Variants in GSE1 observed in about 807,000 individuals in gnomAD.
The protein encoded by GSE1 is Gse1 coiled-coil protein.
Under a neutral mutation model 112.6 loss-of-function variants are expected in GSE1, and 32 were observed. That is an observed-to-expected ratio of 0.28 (90% CI 0.21 to 0.38). The LOEUF (loss-of-function observed/expected upper bound fraction) is 0.38, where lower values mean the gene tolerates loss of function less well. GSE1 is among the 10% of genes least tolerant of loss of function. The pLI, the probability that GSE1 is intolerant of heterozygous loss-of-function variation, is 1.00. For missense variants in GSE1, 2,348 were observed against 1,699.2 expected (o/e 1.38, Z -6.71); for synonymous variants, 1,115 against 735.6 (o/e 1.52, Z -8.35).
chr16:85,637,395 T>C (rs997903031), intron 2 of GSE1, among the ~76,000 whole-genome samples: 2 of 152,246 alleles, frequency 1.3e-5, no homozygotes, highest in Non-Finnish European at 2.9e-5. Context: ...AACCCGCAGC[T>C]GCCTTTCTGC....
chr16:85,618,711 G>A (rs370499396), intron 1 of GSE1, among the ~76,000 whole-genome samples: 1 of 152,270 alleles, frequency 6.6e-6, no homozygotes, highest in Non-Finnish European at 1.5e-5. Flanking sequence ...AGGCTGGGGC[G>A]CAGTGGTGCG....
intron 1 of GSE1, among the ~76,000 whole-genome samples, chr16:85,587,149 G>A (rs1383312054): frequency 4.0e-5 from 6 of 149,444 alleles, no homozygotes; most frequent in East Asian, 4.0e-4. Flanking sequence ...CAGTGTGGGC[G>A]CTCTGGTCTG....
At chr16:85,200,284 T>C (rs1365318601) in intron 1 of GSE1, among the ~76,000 whole-genome samples, 1 of 152,074 alleles carries the variant, frequency 6.6e-6, no homozygotes, top group Non-Finnish European at 1.5e-5. Flanking sequence ...TTGGATGTTT[T>C]TCCTATCTCC....
chr16:85,462,809 C>T (rs1254583971), intron 2 of GSE1, among the ~76,000 whole-genome samples: 3 of 114,542 alleles, frequency 2.6e-5, no homozygotes, highest in Non-Finnish European at 5.4e-5. Flanking sequence ...GCCGGGGGCG[C>T]GGGGCCGGGG....
intron 1 of GSE1, among the ~76,000 whole-genome samples, chr16:85,179,927 G>A (rs2074547166): frequency 6.6e-6 from 1 of 152,194 alleles, no homozygotes; most frequent in Non-Finnish European, 1.5e-5. Context: ...GGAAAATGGG[G>A]GCAGATGGTA....
chr16:85,302,458 G>A (rs958240539), intron 1 of GSE1, among the ~76,000 whole-genome samples: 1 of 134,848 alleles, frequency 7.4e-6, no homozygotes, highest in Non-Finnish European at 1.6e-5. Flanking sequence ...GCCCCCCCCC[G>A]CCCCCACACA....
At chr16:85,331,857 C>G (rs969501796) in intron 1 of GSE1, among the ~76,000 whole-genome samples, 6 of 151,796 alleles carry the variant, frequency 4.0e-5, no homozygotes, top group Non-Finnish European at 8.8e-5. Context: ...TACTCCCTGT[C>G]TTTGCAGTGC....
chr16:85,178,829 C>A (rs1173228566), intron 1 of GSE1, among the ~76,000 whole-genome samples: 1 of 100,980 alleles, frequency 9.9e-6, no homozygotes, highest in Middle Eastern at 6.4e-3. Context: ...AGTGTCCTGG[C>A]AGGGGCTCGA....
chr16:85,474,828 C>T (rs1237619027), intron 2 of GSE1, among the ~76,000 whole-genome samples: 1 of 152,094 alleles, frequency 6.6e-6, no homozygotes, highest in Non-Finnish European at 1.5e-5. Context: ...AGCCCTTGTG[C>T]CAGTTTCCGA....
intron 2 of GSE1, among the ~76,000 whole-genome samples, chr16:85,643,422 C>T (rs377180564): frequency 2.6e-5 from 4 of 152,184 alleles, no homozygotes; most frequent in East Asian, 1.9e-4. Flanking sequence ...GGGATTAGGC[C>T]GCTGAGTGTC....
Position 85,335,219 on chromosome 16 carries a change from G to C in GSE1, c.2284-22244G>C, listed in dbSNP as rs191126073. ...TTTTCTCTCCCTACACCCATCCCGG[G>C]AGGCCCCAGCTCTGAGCCCGGGGGT... On this transcript the variant is annotated intron_variant, in intron 1 of 2. Transcript: ENST00000637419. Among the ~76,000 whole-genome samples the C allele has an allele frequency of 1.1e-4, 16 of 152,354 alleles. No individual in the cohort carries two copies. The East Asian group carries it at 3.1e-3, about 29-fold the overall frequency.
At chr16:85,237,413 C>T (rs372848562) in intron 1 of GSE1, among the ~76,000 whole-genome samples, 5 of 152,122 alleles carry the variant, frequency 3.3e-5, no homozygotes, top group African/African-American at 7.2e-5. Context: ...GCACGGTGCC[C>T]GCTGCAGGGG....
chr16:85,187,910 A>G (rs988626873), intron 1 of GSE1, among the ~76,000 whole-genome samples: 8 of 152,212 alleles, frequency 5.3e-5, no homozygotes, highest in African/African-American at 1.7e-4. Flanking sequence ...GTGGGAATGA[A>G]GGGGCCTGTG....
In GSE1 at chr16:85,444,087, C is replaced by T. The variant is rs1292580859; in HGVS notation, c.2464+86444C>T. Reference sequence around the variant, plus strand: ...GCGACCTCCGCCTCCCGGGTTCAAGCGATTCTCCTGCCTCAGCCTCCGGAG... The same window carrying T: ...GCGACCTCCGCCTCCCGGGTTCAAGTGATTCTCCTGCCTCAGCCTCCGGAG... On this transcript the variant is annotated intron_variant, in intron 2 of 2. Coordinates refer to the GSE1 transcript ENST00000637419. 3.4e-5 allele frequency among the ~76,000 whole-genome samples: 5 copies of T among 145,934 alleles called. No individual in the cohort carries two copies. In the East Asian group the frequency reaches 6.2e-4, roughly 18 times the overall value.
intron 2 of GSE1, among the ~76,000 whole-genome samples, chr16:85,643,565 G>A (rs987578651): frequency 6.6e-6 from 1 of 152,206 alleles, no homozygotes; most frequent in African/African-American, 2.4e-5. Context: ...AGTGGCAGCT[G>A]CCTTGGTCAT....
chr16:85,320,472 T>TG (rs58977028), intron 1 of GSE1, among the ~76,000 whole-genome samples: 7 of 147,654 alleles, frequency 4.7e-5, no homozygotes, highest in East Asian at 2.0e-4. Context: ...TGTTTTGTTT[T>TG]TTTGTAGAAA....
intron 1 of GSE1, among the ~76,000 whole-genome samples, chr16:85,227,101 TCATCCATC>T (rs71151273): frequency 1.5e-4 from 23 of 151,792 alleles, no homozygotes; most frequent in Admixed American, 7.2e-4. Flanking sequence ...GTCCTTCTTT[TCATCCATC>T]CATCCATCCA....
intron 1 of GSE1, among the ~76,000 whole-genome samples, chr16:85,605,165 G>A (rs553632061): frequency 4.1e-4 from 62 of 151,900 alleles, no homozygotes; most frequent in African/African-American, 1.5e-3. Flanking sequence ...TGGGTGGCCG[G>A]CTGGGCCCCA....
In GSE1 at chr16:85,672,626, G is replaced by A. The variant is rs1481953005; in HGVS notation, c.*87G>A. ...AATATTTAATATTTTTCACTGGGAG[G>A]TTTGAAGCTTACAAAATGAGAATGT... is the stretch of plus-strand genomic sequence containing the variant. On this transcript the variant is annotated 3_prime_UTR_variant, in exon 16 of 16. Transcript: ENST00000253458. 10 of 965,380 alleles carry A rather than the reference G, an allele frequency of 1.0e-5. No homozygotes were observed. Among genetic ancestry groups the A allele is most frequent in the Non-Finnish European group, 1.4e-5 (10 of 690,226 alleles). 59.8% of individuals were successfully genotyped at this position (965,380 alleles called of 1,614,324 possible). A position where few individuals can be genotyped will look rare whatever the true frequency, so the allele number is the denominator to read the frequency against.
Sources: allele counts gnomAD v4.1 joint callset (sites outside exome capture counted in the v4.1 genomes callset), GRCh38; gene constraint gnomAD v4.1.1; transcripts MANE v1.5; gene names NCBI Gene and HGNC (gene_info 2026-07-23, HGNC 2026-07-21).